Variants in BHMT observed in about 807,000 individuals in gnomAD.
BHMT encodes the protein betaine--homocysteine S-methyltransferase 1.
Under a neutral mutation model 49.5 loss-of-function variants are expected in BHMT, and 38 were observed. That is an observed-to-expected ratio of 0.77 (90% CI 0.59 to 1.01). The LOEUF is 1.01. BHMT is among the 50% of genes least tolerant of loss of function. The probability of loss-of-function intolerance (pLI) is 0.00; values close to 1 mark genes in which losing one functional copy is unlikely to be tolerated. For synonymous variants in BHMT, 166 were observed against 176.3 expected, an observed-to-expected ratio of 0.94 and a Z score of 0.46; for missense variants, 426 against 495.7, an observed-to-expected ratio of 0.86 and a Z score of 1.34.
intron 6 of BHMT, 97 bp downstream of exon 6, chr5:79,126,325 G>T (rs565192971): frequency 7.1e-7 from 1 of 1,406,504 alleles, no homozygotes. Context: ...TCATAGTGAA[G>T]AGATGGCTTG....
At chr5:79,112,443 G>A (rs1167421546) in intron 1 of BHMT, among the ~76,000 whole-genome samples, 1 of 152,218 alleles carries the variant, frequency 6.6e-6, no homozygotes. Context: ...CCAGAACAGG[G>A]AGGAGTGCAC....
chr5:79,126,235 C>G lies in BHMT; in HGVS notation c.808+7C>G. The G allele has an allele frequency of 6.2e-7, 1 of 1,612,902 alleles. No individual in the cohort carries two copies. The highest frequency in any genetic ancestry group is 8.5e-7 in the Non-Finnish European group (1 of 1,179,120). ...CTCCCAGAATTCCCATTTGGTAAGA[C>G]CAACATTTGATGAATCATCTCAATA... is the stretch of plus-strand genomic sequence containing the variant. On this transcript the variant is annotated splice_region_variant and intron_variant, in intron 6 of 7. Transcript: ENST00000274353.
intron 2 of BHMT, among the ~76,000 whole-genome samples, chr5:79,118,984 A>C (rs561280797): frequency 1.3e-5 from 2 of 152,310 alleles, no homozygotes; most frequent in Non-Finnish European, 2.9e-5. Context: ...CCATCCACAA[A>C]TACAGTCAAT....
At chr5:79,126,531 G>T (rs73769976) in intron 6 of BHMT, among the ~76,000 whole-genome samples, 4,885 of 152,152 alleles carry the variant, frequency 0.032, 103 homozygotes, top group South Asian at 0.073. Flanking sequence ...TGCCCTTCAT[G>T]GGAGAATCAA....
rs1208208797 is a variant in BHMT at position 79,131,262 on chromosome 5, A to G, written c.*146A>G. Reference sequence around the variant, plus strand: ...TTACCTGAACAAAATAGAATTACAAATAGCACTTGATAATTTTAAAGTATG... The same window carrying G: ...TTACCTGAACAAAATAGAATTACAAGTAGCACTTGATAATTTTAAAGTATG... On this transcript the variant is annotated 3_prime_UTR_variant, in exon 8 of 8. Coordinates refer to ENST00000274353, the MANE Select transcript of BHMT (RefSeq NM_001713.3). The G allele has an allele frequency of 8.0e-6, 6 of 750,340 alleles. No homozygotes were observed. In the African/African-American group the frequency reaches 1.1e-4, roughly 14 times the overall value. The allele number at this position is 750,340 out of a possible 1,614,324, so 46.5% of individuals were successfully genotyped here.
chr5:79,126,926 A>G (rs996081684), intron 6 of BHMT, among the ~76,000 whole-genome samples: 4 of 152,164 alleles, frequency 2.6e-5, no homozygotes, highest in African/African-American at 9.7e-5. Context: ...AGGTCTTTAC[A>G]CCCTATCCTA....
In BHMT at chr5:79,111,893, C is replaced by G. The variant is rs1756306419; in HGVS notation, c.8C>G (p.Pro3Arg). MP[P>R]VGGKKAKKGI... ...TGTCTGGACACCACGAAGATGCCAC[C>G]CGTTGGGGGCAAAAAGGCCAAGAAG... The change falls in exon 1 of 8, where the codon CCC (proline) becomes CGC (arginine). Residue 3 changes from proline (P) to arginine (R), a missense_variant. By Grantham distance (103) the Pro-to-Arg change is moderately radical. This residue lies in a region of BHMT where 321 missense variants were observed against 355.9 expected (regional missense o/e 0.90). Coordinates refer to ENST00000274353, the MANE Select transcript of BHMT (RefSeq NM_001713.3). 6.2e-7 allele frequency: 1 copy of G among 1,611,550 alleles called. No homozygotes were observed.
At chr5:79,122,421 G>T (rs956613276) in intron 5 of BHMT, among the ~76,000 whole-genome samples, 6 of 152,094 alleles carry the variant, frequency 3.9e-5, no homozygotes, top group Non-Finnish European at 8.8e-5. Context: ...GTTGATGTCA[G>T]GAACAATGTC....
At chr5:79,117,129 G>A (rs1756397728) in intron 2 of BHMT, among the ~76,000 whole-genome samples, 1 of 152,180 alleles carries the variant, frequency 6.6e-6, no homozygotes, top group African/African-American at 2.4e-5. Flanking sequence ...CAAGAGTGAG[G>A]AGTTGTCTTC....
chr5:79,127,809 C>A lies in BHMT; in HGVS notation c.863C>A (p.Ala288Asp). The change falls in exon 7 of 8, where the codon GCC (alanine) becomes GAC (aspartate). Residue 288 changes from alanine to aspartate, a missense_variant. By Grantham distance (126) the Ala-to-Asp change is moderately radical (BLOSUM62 -2). Transcript: ENST00000274353. Reference sequence around the variant, plus strand: ...GATATTCAAAAATACGCCAGAGAGGCCTACAACCTGGGGGTCAGGTACATT... The same window carrying A: ...GATATTCAAAAATACGCCAGAGAGGACTACAACCTGGGGGTCAGGTACATT... ...RWDIQKYARE[A>D]YNLGVRYIGG... 6.2e-7 allele frequency: 1 copy of A among 1,614,110 alleles called. No individual in the cohort carries two copies. The highest frequency in any genetic ancestry group is 8.5e-7 in the Non-Finnish European group (1 of 1,180,002).
intron 1 of BHMT, among the ~76,000 whole-genome samples, chr5:79,114,186 G>A (rs1420226132): frequency 6.6e-6 from 1 of 151,360 alleles, no homozygotes; most frequent in Non-Finnish European, 1.5e-5. Flanking sequence ...GTGACATTTA[G>A]ATACATTGCA....
At chr5:79,123,191 G>C (rs1201430897) in intron 5 of BHMT, among the ~76,000 whole-genome samples, 1 of 152,182 alleles carries the variant, frequency 6.6e-6, no homozygotes, top group Non-Finnish European at 1.5e-5. Context: ...GATGAGAACA[G>C]AGAAGCAGCT....
intron 2 of BHMT, among the ~76,000 whole-genome samples, chr5:79,118,241 G>A (rs780324919): frequency 1.3e-5 from 2 of 152,112 alleles, no homozygotes; most frequent in South Asian, 2.1e-4. Flanking sequence ...TGAGGTGGGC[G>A]GATCACTTGA....
At chr5:79,119,525 G>T in intron 3 of BHMT, 148 bp downstream of exon 3, 1 of 551,152 alleles carries the variant, frequency 1.8e-6, no homozygotes, top group South Asian at 3.5e-5. Flanking sequence ...AACAACCTTA[G>T]GTTTTATTTA....
chr5:79,114,988 T>C (rs532775932), intron 1 of BHMT, among the ~76,000 whole-genome samples: 1 of 152,328 alleles, frequency 6.6e-6, no homozygotes, highest in African/African-American at 2.4e-5. Flanking sequence ...AGTATGGAGA[T>C]TGGGCTGAAA....
chr5:79,112,163 C>A (rs191075837), intron 1 of BHMT, among the ~76,000 whole-genome samples: 81 of 152,298 alleles, frequency 5.3e-4, no homozygotes, highest in Non-Finnish European at 8.4e-4. Context: ...CCTCTGTCCC[C>A]TCCAGCCCCA....
chr5:79,120,960 G>A (rs1756458701), intron 4 of BHMT, among the ~76,000 whole-genome samples: 1 of 152,132 alleles, frequency 6.6e-6, no homozygotes, highest in African/African-American at 2.4e-5. Context: ...AGAACAGCCT[G>A]GCCAACATGG....
intron 4 of BHMT, 67 bp from the exon 5 acceptor site, chr5:79,121,151 A>G: frequency 5.4e-6 from 1 of 185,970 alleles, no homozygotes; most frequent in Non-Finnish European, 9.5e-6. Context: ...ACTCCGTCTC[A>G]AAAAAAAAAA....
At chr5:79,118,326 G>GGT (rs1235392197) in intron 2 of BHMT, among the ~76,000 whole-genome samples, 3 of 152,110 alleles carry the variant, frequency 2.0e-5, no homozygotes, top group African/African-American at 7.2e-5. Context: ...AAATTACCAG[G>GGT]CGTGGTGGCA....
Sources: allele counts gnomAD v4.1 joint callset (sites outside exome capture counted in the v4.1 genomes callset), GRCh38; gene constraint gnomAD v4.1.1; regional missense constraint gnomAD v4.1.1; transcripts MANE v1.5; gene names NCBI Gene and HGNC (gene_info 2026-07-23, HGNC 2026-07-21).